ANKS1B: variants seen among roughly 807,000 people sequenced by gnomAD.
ANKS1B encodes ankyrin repeat and sterile alpha motif domain containing 1B, also known as ankyrin repeat and sterile alpha motif domain-containing protein 1B.
In ANKS1B, 36 loss-of-function variants were observed where a neutral mutation model predicts 148.3. The ratio of observed to expected loss-of-function variants is 0.24; its 90% CI spans 0.19 to 0.32. ANKS1B has a LOEUF of 0.32. ANKS1B is among the 10% of genes least tolerant of loss of function. ANKS1B has a pLI of 1.00. For synonymous variants in ANKS1B, 542 were observed against 560.8 expected, an observed-to-expected ratio of 0.97 and a Z score of 0.47; for missense variants, 1,157 against 1,542.6, an observed-to-expected ratio of 0.75 and a Z score of 4.19.
At chr12:99,064,548 A>G (rs2043453117) in intron 16 of ANKS1B, among the ~76,000 whole-genome samples, 2 of 152,240 alleles carry the variant, frequency 1.3e-5, no homozygotes, top group Admixed American at 1.3e-4. Flanking sequence ...GCCAAGTTCT[A>G]TAAAGCATCC....
intron 17 of ANKS1B, among the ~76,000 whole-genome samples, chr12:99,006,418 C>T (rs2099936185): frequency 6.6e-6 from 1 of 152,176 alleles, no homozygotes; most frequent in African/African-American, 2.4e-5. Flanking sequence ...AAGATCTGAT[C>T]CCATATTAGA....
At chr12:99,305,568 G>A (rs1312105644) in intron 12 of ANKS1B, among the ~76,000 whole-genome samples, 1 of 151,962 alleles carries the variant, frequency 6.6e-6, no homozygotes, top group Non-Finnish European at 1.5e-5. Context: ...TTCTAGAAAG[G>A]AATATAAAGA....
chr12:99,050,154 T>C (rs144515134), intron 17 of ANKS1B, among the ~76,000 whole-genome samples: 93 of 152,362 alleles, frequency 6.1e-4, no homozygotes, highest in Middle Eastern at 3.4e-3. Flanking sequence ...TATATGAGAC[T>C]ACCTCATATT....
Position 98,801,365 on chromosome 12 carries a change from C to G in ANKS1B, c.3142-240G>C, listed in dbSNP as rs956331281. ...TCTATTTTTAGAATGACATCCTAAG[C>G]TAAGTCACTTTAAAATAAAACATGA... is the stretch of plus-strand genomic sequence containing the variant. On this transcript the variant is annotated intron_variant, in intron 20 of 26. Transcript: ENST00000683438. The surrounding 1 kb of genome is among the most constrained non-coding windows in gnomAD (Gnocchi z 5.2). Among the ~76,000 whole-genome samples the G allele has an allele frequency of 7.3e-5, 11 of 151,650 alleles. No homozygotes were observed. The highest frequency in any genetic ancestry group is 2.7e-4 in the African/African-American group (11 of 40,956).
chr12:99,678,025 G>T, intron 8 of ANKS1B, among the ~76,000 whole-genome samples: 1 of 152,006 alleles, frequency 6.6e-6, no homozygotes, highest in Non-Finnish European at 1.5e-5. Flanking sequence ...ACTCTGTCTT[G>T]GCAAAAATTG....
At chr12:99,006,400 T>A (rs1253281441) in intron 17 of ANKS1B, among the ~76,000 whole-genome samples, 1 of 152,198 alleles carries the variant, frequency 6.6e-6, no homozygotes, top group Non-Finnish European at 1.5e-5. Flanking sequence ...ACCCTGAGTA[T>A]ATTAATTAAG....
chr12:99,290,683 T>G (rs1205385865), intron 12 of ANKS1B, among the ~76,000 whole-genome samples: 2 of 152,006 alleles, frequency 1.3e-5, no homozygotes, highest in African/African-American at 4.8e-5. Flanking sequence ...ATAAAATCAC[T>G]TCAATAGATG....
chr12:99,603,383 A>C (rs557695022), intron 9 of ANKS1B, among the ~76,000 whole-genome samples: 23 of 152,264 alleles, frequency 1.5e-4, no homozygotes, highest in African/African-American at 5.5e-4. Flanking sequence ...CAGGGCTGTC[A>C]GAAAGTGACA....
At chr12:99,557,212 C>A (rs980596290) in intron 9 of ANKS1B, among the ~76,000 whole-genome samples, 1 of 152,250 alleles carries the variant, frequency 6.6e-6, no homozygotes, top group South Asian at 2.1e-4. Context: ...TGAATGTCGA[C>A]CTCTCTAGTG....
intron 1 of ANKS1B, among the ~76,000 whole-genome samples, chr12:99,925,349 A>G (rs1392227598): frequency 1.3e-5 from 2 of 152,312 alleles, no homozygotes; most frequent in South Asian, 2.1e-4. Flanking sequence ...CCCTCAAAGG[A>G]TTACATACTT....
intron 8 of ANKS1B, among the ~76,000 whole-genome samples, chr12:99,708,236 G>C (rs2056116605): frequency 6.6e-6 from 1 of 152,134 alleles, no homozygotes; most frequent in African/African-American, 2.4e-5. Flanking sequence ...CATCAGTATG[G>C]AAGTCTCTCT....
chr12:99,142,139 G>A (rs2071068944), intron 15 of ANKS1B, among the ~76,000 whole-genome samples: 1 of 151,970 alleles, frequency 6.6e-6, no homozygotes, highest in African/African-American at 2.4e-5. Flanking sequence ...GCGGAAGCAG[G>A]GAGGGCTACA....
At chr12:99,755,067 T>A (rs1480949009) in intron 8 of ANKS1B, among the ~76,000 whole-genome samples, 1 of 119,520 alleles carries the variant, frequency 8.4e-6, no homozygotes, top group African/African-American at 3.2e-5. Flanking sequence ...CAGGAGCTGC[T>A]TTTTAAAAAA....
At chr12:99,667,619 C>A (rs2098515981) in intron 8 of ANKS1B, among the ~76,000 whole-genome samples, 1 of 152,054 alleles carries the variant, frequency 6.6e-6, no homozygotes, top group Admixed American at 6.5e-5. Flanking sequence ...ATTGCCAGTA[C>A]AATGTTGAAT....
At chr12:99,189,177 T>A (rs183119531) in intron 14 of ANKS1B, among the ~76,000 whole-genome samples, 17 of 152,084 alleles carry the variant, frequency 1.1e-4, no homozygotes, top group Admixed American at 9.8e-4. Flanking sequence ...CAACAACAAG[T>A]TCTGAAATTG....
intron 17 of ANKS1B, among the ~76,000 whole-genome samples, chr12:98,888,734 C>G (rs2099745788): frequency 6.6e-6 from 1 of 152,178 alleles, no homozygotes; most frequent in Non-Finnish European, 1.5e-5. Flanking sequence ...GGAGGGCCAC[C>G]TTCTCAGGGA....
chr12:98,796,287 CT>C (rs1226934256), intron 22 of ANKS1B, among the ~76,000 whole-genome samples: 1 of 152,126 alleles, frequency 6.6e-6, no homozygotes, highest in Non-Finnish European at 1.5e-5. Flanking sequence ...CAGAAAACAT[CT>C]TTTTTTCAAT....
chr12:98,794,535 T>C (rs1245090664), intron 22 of ANKS1B: 6 of 642,702 alleles, frequency 9.3e-6, no homozygotes, highest in Non-Finnish European at 1.7e-5. Context: ...ACCCTGGCCA[T>C]GGCAAGATGT....
intron 17 of ANKS1B, among the ~76,000 whole-genome samples, chr12:99,034,562 T>C (rs963665778): frequency 2.0e-5 from 3 of 152,252 alleles, no homozygotes; most frequent in African/African-American, 7.2e-5. Flanking sequence ...GCAATCCACC[T>C]GCCTTGGCCT....
Sources: allele counts gnomAD v4.1 joint callset (sites outside exome capture counted in the v4.1 genomes callset), GRCh38; gene constraint gnomAD v4.1.1; non-coding constraint Gnocchi (gnomAD v3.1); transcripts MANE v1.5; gene names NCBI Gene and HGNC (gene_info 2026-07-23, HGNC 2026-07-21).